The following NUBPL variants were observed in gnomAD, a reference collection of about 807,000 sequenced individuals.
The protein encoded by NUBPL is iron-sulfur cluster transfer protein NUBPL.
Under a neutral mutation model 45.7 loss-of-function variants are expected in NUBPL, and 31 were observed. The ratio of observed to expected loss-of-function variants is 0.68; its 90% confidence interval spans 0.51 to 0.92. NUBPL has a LOEUF of 0.92. Ranked by LOEUF, NUBPL falls within the 40% of genes least tolerant of loss-of-function variation. The pLI is 0.00. For missense variants in NUBPL, 401 were observed against 398.7 expected (o/e 1.01, Z -0.05); for synonymous variants, 144 against 140.9 (o/e 1.02, Z -0.15).
intron 4 of NUBPL, among the ~76,000 whole-genome samples, chr14:31,649,507 G>T (rs1954441): frequency 2.6e-5 from 4 of 151,914 alleles, no homozygotes; most frequent in Non-Finnish European, 5.9e-5. Flanking sequence ...AATGATATAC[G>T]CAACAAGATT....
At chr14:31,832,206 T>A (rs1448185065) in intron 8 of NUBPL, among the ~76,000 whole-genome samples, 1 of 152,190 alleles carries the variant, frequency 6.6e-6, no homozygotes, top group Non-Finnish European at 1.5e-5. Flanking sequence ...AAATATTTCT[T>A]TTATCAGTAA....
At chr14:31,603,035 C>G (rs1238369614) in intron 4 of NUBPL, among the ~76,000 whole-genome samples, 2 of 151,904 alleles carry the variant, frequency 1.3e-5, no homozygotes, top group African/African-American at 4.8e-5. Context: ...ATTGGCTTGG[C>G]TTAGTGGCTC....
chr14:31,595,431 A>AT (rs1251455662), intron 3 of NUBPL, among the ~76,000 whole-genome samples: 1 of 152,078 alleles, frequency 6.6e-6, no homozygotes, highest in African/African-American at 2.4e-5. Flanking sequence ...GCTAATAGTA[A>AT]TTTTTTTTAT....
At chr14:31,788,575 A>G (rs951630115) in intron 7 of NUBPL, among the ~76,000 whole-genome samples, 3 of 152,176 alleles carry the variant, frequency 2.0e-5, no homozygotes, top group Non-Finnish European at 4.4e-5. Context: ...AAGGTGGTAA[A>G]GTGGTTAAAT....
chr14:31,568,559 C>G (rs2033498837), intron 3 of NUBPL, among the ~76,000 whole-genome samples: 1 of 152,170 alleles, frequency 6.6e-6, no homozygotes, highest in African/African-American at 2.4e-5. Flanking sequence ...CTTCGGCCAA[C>G]AACTGTTTGA....
At chr14:31,576,425 C>G (rs1566423401) in intron 3 of NUBPL, among the ~76,000 whole-genome samples, 1 of 152,102 alleles carries the variant, frequency 6.6e-6, no homozygotes. Context: ...CCATGCTTGA[C>G]TAATTTTTTA....
At chr14:31,726,855 A>G (rs2037936745) in intron 6 of NUBPL, among the ~76,000 whole-genome samples, 1 of 151,578 alleles carries the variant, frequency 6.6e-6, no homozygotes, top group Non-Finnish European at 1.5e-5. Context: ...GGCACTATCA[A>G]TGTTTTGAGC....
chr14:31,733,324 G>T (rs929038043), intron 6 of NUBPL, among the ~76,000 whole-genome samples: 3 of 151,904 alleles, frequency 2.0e-5, no homozygotes, highest in Admixed American at 6.6e-5. Context: ...GATTATTTTG[G>T]GCATTTTAGA....
At chr14:31,735,190 T>C (rs1048096527) in intron 6 of NUBPL, among the ~76,000 whole-genome samples, 37 of 151,074 alleles carry the variant, frequency 2.4e-4, no homozygotes, top group African/African-American at 8.0e-4. Context: ...TGGCAACTAC[T>C]GCTCTAGGTT....
chr14:31,783,140 C>T (rs2039223238), intron 6 of NUBPL, among the ~76,000 whole-genome samples: 1 of 152,160 alleles, frequency 6.6e-6, no homozygotes, highest in South Asian at 2.1e-4. Context: ...TCTCCCTGAA[C>T]TGGGGGCTGG....
At chr14:31,786,262 C>T (rs897825546) in intron 6 of NUBPL, among the ~76,000 whole-genome samples, 5 of 152,178 alleles carry the variant, frequency 3.3e-5, no homozygotes, top group African/African-American at 1.2e-4. Flanking sequence ...TATACAGTTT[C>T]CACTTAGGTT....
chr14:31,702,835 G>A lies in NUBPL; in HGVS notation c.513+29261G>A, dbSNP rs577837378. Among the ~76,000 whole-genome samples, 18 of 152,234 alleles carry A rather than the reference G, an allele frequency of 1.2e-4. 1 individual carries two copies. The South Asian group carries it at 3.7e-3, about 32-fold the overall frequency. ...AAAAAGAAAAAATTTTCATCTTTAT[G>A]CTGTTTAGGACTTCCATTCTCCTAA... On this transcript the variant is annotated intron_variant, in intron 6 of 10. Coordinates refer to ENST00000281081, the MANE Select transcript of NUBPL (RefSeq NM_025152.3).
Position 31,810,824 on chromosome 14 carries a change from A to G in NUBPL, c.608-15805A>G, listed in dbSNP as rs188994672. Among the ~76,000 whole-genome samples, 116 of 151,942 alleles carry G rather than the reference A, an allele frequency of 7.6e-4. No homozygotes were observed. In the Middle Eastern group the frequency reaches 0.014, roughly 18 times the overall value. On this transcript the variant is annotated intron_variant, in intron 7 of 10. Transcript: ENST00000281081. ...GTAAGGCAGGCCTGTTGGTGACAAA[A>G]TCTCTCAGCATTTGCTAGTCTGTAA...
chr14:31,602,063 A>T (rs1430386937), intron 4 of NUBPL, among the ~76,000 whole-genome samples: 1 of 152,228 alleles, frequency 6.6e-6, no homozygotes, highest in Non-Finnish European at 1.5e-5. Flanking sequence ...GCAGCCATAA[A>T]AAATGATGAG....
chr14:31,838,457 C>T (rs1042202057), intron 8 of NUBPL, among the ~76,000 whole-genome samples: 1 of 152,128 alleles, frequency 6.6e-6, no homozygotes, highest in African/African-American at 2.4e-5. Flanking sequence ...CATAGTTTAG[C>T]TGGATGAATC....
chr14:31,728,482 G>A (rs979666773), intron 6 of NUBPL, among the ~76,000 whole-genome samples: 1 of 152,028 alleles, frequency 6.6e-6, no homozygotes, highest in Non-Finnish European at 1.5e-5. Context: ...CCAAGTAGAC[G>A]CATTAAGTAT....
chr14:31,770,365 C>T (rs1227264755), intron 6 of NUBPL, among the ~76,000 whole-genome samples: 1 of 151,892 alleles, frequency 6.6e-6, no homozygotes, highest in Non-Finnish European at 1.5e-5. Flanking sequence ...ATCACTGGGG[C>T]GTGGAAAATG....
rs2035352273 is a variant in NUBPL at position 31,631,785 on chromosome 14, G to T, written c.382+32406G>T. On this transcript the variant is annotated intron_variant, in intron 4 of 10. Transcript: ENST00000281081. ...ACCCCCGTTTTTTTTTCTATTCAGG[G>T]CTTCAATGGATTGGATGATGCCCAC... Among the ~76,000 whole-genome samples, 3 of 151,920 alleles carry T rather than the reference G, an allele frequency of 2.0e-5. No individual in the cohort carries two copies. The South Asian group carries it at 6.2e-4, about 32-fold the overall frequency.
chr14:31,700,900 G>T (rs187997951), intron 6 of NUBPL, among the ~76,000 whole-genome samples: 1 of 151,048 alleles, frequency 6.6e-6, no homozygotes, highest in Non-Finnish European at 1.5e-5. Flanking sequence ...CAGGGCTCCC[G>T]GTCCCATCGA....
Sources: gnomAD v4.1 joint callset for allele counts (sites outside exome capture counted in the v4.1 genomes callset) on GRCh38, gnomAD v4.1.1 for gene constraint, MANE v1.5 for transcripts, NCBI Gene and HGNC (gene_info 2026-07-23, HGNC 2026-07-21) for gene names.